LRRC4C: variants seen among roughly 807,000 people sequenced by gnomAD.
LRRC4C encodes leucine-rich repeat-containing protein 4C.
LRRC4C carries 5 observed loss-of-function variants against 33.6 expected under a neutral mutation model. That is an observed-to-expected ratio of 0.15 (90% CI 0.08 to 0.31). The LOEUF is 0.31. Ranked by LOEUF, LRRC4C falls within the 10% of genes least tolerant of loss-of-function variation. The probability of loss-of-function intolerance (pLI) is 1.00; values close to 1 mark genes in which losing one functional copy is unlikely to be tolerated. For missense variants in LRRC4C, 560 were observed against 796.7 expected, an observed-to-expected ratio of 0.70 and a Z score of 3.58; for synonymous variants, 329 against 302.0, an observed-to-expected ratio of 1.09 and a Z score of -0.93.
chr11:41,048,468 T>C (rs929415677), intron 1 of LRRC4C, among the ~76,000 whole-genome samples: 1 of 152,050 alleles, frequency 6.6e-6, no homozygotes, highest in Non-Finnish European at 1.5e-5. Flanking sequence ...TTTCACCATG[T>C]TGGCCAAGAT....
chr11:40,310,105 C>T (rs989647314), intron 4 of LRRC4C, among the ~76,000 whole-genome samples: 5 of 152,086 alleles, frequency 3.3e-5, no homozygotes, highest in Admixed American at 6.5e-5. Context: ...ATCATCCCCC[C>T]ACTTCTCCAC....
At chr11:40,763,569 A>G (rs1379790086) in intron 2 of LRRC4C, among the ~76,000 whole-genome samples, 1 of 152,190 alleles carries the variant, frequency 6.6e-6, no homozygotes, top group Non-Finnish European at 1.5e-5. Context: ...AGAGTAGAAA[A>G]GACAATCTTG....
At chr11:40,983,624 C>A (rs1054295035) in intron 1 of LRRC4C, among the ~76,000 whole-genome samples, 1 of 152,032 alleles carries the variant, frequency 6.6e-6, no homozygotes, top group South Asian at 2.1e-4. Flanking sequence ...TATCCAGCAT[C>A]TATAAGGAAC....
At chr11:40,367,071 T>C (rs1001853179) in intron 3 of LRRC4C, among the ~76,000 whole-genome samples, 1 of 152,074 alleles carries the variant, frequency 6.6e-6, no homozygotes, top group Non-Finnish European at 1.5e-5. Context: ...TGATAAATAT[T>C]TATTTAATAC....
chr11:40,174,777 T>C (rs904842490), intron 5 of LRRC4C, among the ~76,000 whole-genome samples: 4 of 152,248 alleles, frequency 2.6e-5, no homozygotes, highest in African/African-American at 9.6e-5. Context: ...TATTGCATTA[T>C]GGTTGATACA....
At chr11:41,221,467 T>A (rs1470783020) in intron 1 of LRRC4C, among the ~76,000 whole-genome samples, 1 of 152,168 alleles carries the variant, frequency 6.6e-6, no homozygotes, top group African/African-American at 2.4e-5. Flanking sequence ...GTAAATTAGT[T>A]TAGCCATTGT....
At chr11:40,273,735 C>G (rs1321033759) in intron 4 of LRRC4C, among the ~76,000 whole-genome samples, 1 of 151,976 alleles carries the variant, frequency 6.6e-6, no homozygotes, top group Non-Finnish European at 1.5e-5. Flanking sequence ...GACAAATGGC[C>G]AACATACCTG....
intron 5 of LRRC4C, among the ~76,000 whole-genome samples, chr11:40,185,599 A>G (rs996581001): frequency 6.6e-6 from 1 of 152,232 alleles, no homozygotes; most frequent in African/African-American, 2.4e-5. Context: ...AAGCGCCTCC[A>G]AAGTGCCAGG....
intron 3 of LRRC4C, among the ~76,000 whole-genome samples, chr11:40,412,933 T>A (rs755696549): frequency 1.3e-5 from 2 of 152,086 alleles, no homozygotes; most frequent in Admixed American, 6.6e-5. Context: ...ATTGTTATAT[T>A]CAGAGAAAAG....
intron 1 of LRRC4C, among the ~76,000 whole-genome samples, chr11:41,234,850 A>C (rs1947949777): frequency 6.6e-6 from 1 of 152,038 alleles, no homozygotes; most frequent in Admixed American, 6.6e-5. Flanking sequence ...ATAACTTGTA[A>C]GTAGTGAAGG....
chr11:40,788,564 G>A (rs2137351855), intron 2 of LRRC4C, among the ~76,000 whole-genome samples: 1 of 152,260 alleles, frequency 6.6e-6, no homozygotes, highest in African/African-American at 2.4e-5. Flanking sequence ...TCTGGCAATT[G>A]AATAATATTA....
At chr11:40,501,948 C>G (rs1433290366) in intron 3 of LRRC4C, among the ~76,000 whole-genome samples, 2 of 152,186 alleles carry the variant, frequency 1.3e-5, no homozygotes, top group African/African-American at 2.4e-5. Flanking sequence ...ATGCCTTTAG[C>G]AACACCCAAG....
At chr11:41,390,541 C>T (rs2137992819) in intron 1 of LRRC4C, among the ~76,000 whole-genome samples, 1 of 151,980 alleles carries the variant, frequency 6.6e-6, no homozygotes, top group Middle Eastern at 3.4e-3. Context: ...CCTTTGTGTT[C>T]TATGACCTTT....
At chr11:40,970,574 AG>A (rs1851658281) in intron 1 of LRRC4C, among the ~76,000 whole-genome samples, 1 of 152,168 alleles carries the variant, frequency 6.6e-6, no homozygotes, top group Non-Finnish European at 1.5e-5. Flanking sequence ...ATTGGTACTG[AG>A]CAAAGGGACA....
At chr11:41,185,641 G>T (rs1945660659) in intron 1 of LRRC4C, among the ~76,000 whole-genome samples, 1 of 152,110 alleles carries the variant, frequency 6.6e-6, no homozygotes, top group South Asian at 2.1e-4. Flanking sequence ...CACTGTAAAG[G>T]TTCAGGGCTG....
intron 3 of LRRC4C, among the ~76,000 whole-genome samples, chr11:40,621,366 G>A (rs999148624): frequency 1.3e-5 from 2 of 151,440 alleles, no homozygotes; most frequent in African/African-American, 4.8e-5. Context: ...CCTTCTACCA[G>A]CAATACCAAC....
intron 1 of LRRC4C, among the ~76,000 whole-genome samples, chr11:41,436,339 T>C (rs1250818962): frequency 1.3e-5 from 2 of 152,244 alleles, no homozygotes; most frequent in African/African-American, 4.8e-5. Context: ...CATACACCCT[T>C]TAAAAGAAGA....
chr11:41,112,598 A>T (rs1436388320), intron 1 of LRRC4C, among the ~76,000 whole-genome samples: 2 of 151,974 alleles, frequency 1.3e-5, no homozygotes, highest in South Asian at 2.1e-4. Context: ...AAACAAATGC[A>T]CTTCTGTTTT....
intron 3 of LRRC4C, among the ~76,000 whole-genome samples, chr11:40,602,337 T>G (rs1033322928): frequency 1.3e-4 from 20 of 152,292 alleles, no homozygotes; most frequent in African/African-American, 4.8e-4. Context: ...ATAAACTCAT[T>G]TGAAGTCCTA....
Sources: gnomAD v4.1 joint callset for allele counts (sites outside exome capture counted in the v4.1 genomes callset) on GRCh38, gnomAD v4.1.1 for gene constraint, MANE v1.5 for transcripts, NCBI Gene and HGNC (gene_info 2026-07-23, HGNC 2026-07-21) for gene names.